The following ERICH6B variants were observed in gnomAD, a reference collection of about 807,000 sequenced individuals.
ERICH6B encodes the protein glutamate rich 6B.
ERICH6B carries 69 observed loss-of-function variants against 80.0 expected under a neutral mutation model. That is an observed-to-expected ratio of 0.86 (90% CI 0.71 to 1.05). The LOEUF is 1.05. ERICH6B is among the 50% of genes least tolerant of loss of function. ERICH6B has a pLI of 0.00. For synonymous variants in ERICH6B, 283 were observed against 291.9 expected, an observed-to-expected ratio of 0.97 and a Z score of 0.31; for missense variants, 754 against 796.1, an observed-to-expected ratio of 0.95 and a Z score of 0.64.
At chr13:45,575,606 C>A (rs562363898) in intron 7 of ERICH6B, among the ~76,000 whole-genome samples, 2 of 152,122 alleles carry the variant, frequency 1.3e-5, no homozygotes, top group African/African-American at 2.4e-5. Context: ...CCAGGCTTGT[C>A]AAAATTTGCC....
chr13:45,591,199 G>A (rs1385786871), intron 3 of ERICH6B, among the ~76,000 whole-genome samples: 1 of 152,152 alleles, frequency 6.6e-6, no homozygotes, highest in Non-Finnish European at 1.5e-5. Context: ...GTAGAGAAAC[G>A]AGAACCAGAA....
intron 11 of ERICH6B, among the ~76,000 whole-genome samples, chr13:45,555,927 C>T (rs774607199): frequency 4.7e-5 from 7 of 149,226 alleles, no homozygotes; most frequent in Non-Finnish European, 7.4e-5. Flanking sequence ...TATGGGTGTC[C>T]GTGAGGCAAA....
At chr13:45,544,329 C>T (rs138580976) in intron 14 of ERICH6B, among the ~76,000 whole-genome samples, 238 of 152,290 alleles carry the variant, frequency 1.6e-3, no homozygotes, top group African/African-American at 5.6e-3. Flanking sequence ...CCTGCTTCGG[C>T]CCCTCAAAGT....
chr13:45,544,222 G>T (rs1410087640), intron 14 of ERICH6B, among the ~76,000 whole-genome samples: 1 of 152,156 alleles, frequency 6.6e-6, no homozygotes, highest in East Asian at 1.9e-4. Flanking sequence ...AAAGGCGTGA[G>T]CCACTGGGAT....
At chr13:45,567,303 G>A (rs543382847) in intron 9 of ERICH6B, among the ~76,000 whole-genome samples, 1 of 152,314 alleles carries the variant, frequency 6.6e-6, no homozygotes, top group Non-Finnish European at 1.5e-5. Flanking sequence ...AGACTTTGGG[G>A]GACTGTTGGG....
intron 1 of ERICH6B, among the ~76,000 whole-genome samples, chr13:45,612,660 C>T (rs1228618661): frequency 6.6e-6 from 1 of 152,174 alleles, no homozygotes; most frequent in African/African-American, 2.4e-5. Context: ...TCCTACCTGC[C>T]TAGCCAGCAG....
chr13:45,548,755 GC>G (rs1345876604), intron 13 of ERICH6B, among the ~76,000 whole-genome samples: 15 of 152,120 alleles, frequency 9.9e-5, no homozygotes, highest in African/African-American at 3.1e-4. Flanking sequence ...ACTCCTTTGT[GC>G]TTTCTGTACC....
chr13:45,553,368 A>C (rs1874303825), intron 11 of ERICH6B, among the ~76,000 whole-genome samples: 1 of 152,166 alleles, frequency 6.6e-6, no homozygotes, highest in African/African-American at 2.4e-5. Flanking sequence ...GATGGGCTCA[A>C]ATTATTATTG....
At chr13:45,609,188 C>T (rs1949885726) in intron 1 of ERICH6B, among the ~76,000 whole-genome samples, 1 of 152,214 alleles carries the variant, frequency 6.6e-6, no homozygotes, top group Non-Finnish European at 1.5e-5. Context: ...TTGCTCCCAG[C>T]CATCCTCCAG....
chr13:45,580,548 C>G, intron 6 of ERICH6B, 55 bp downstream of exon 6: 1 of 1,531,612 alleles, frequency 6.5e-7, no homozygotes, highest in Non-Finnish European at 8.9e-7. Context: ...TTCTTACCTT[C>G]TCTGGGATGG....
In ERICH6B at chr13:45,568,366, A is replaced by T; in HGVS notation, c.1136T>A (p.Ile379Asn). 1.9e-6 allele frequency: 3 copies of T among 1,549,210 alleles called. No homozygotes were observed. Among genetic ancestry groups the T allele is most frequent in the Non-Finnish European group, 2.6e-6 (3 of 1,146,110 alleles). Residue 379 changes from isoleucine to asparagine, a missense_variant, in exon 9 of 15, where the codon ATT (isoleucine) becomes AAT (asparagine). Ile to Asn is a moderately radical substitution (Grantham distance 149, BLOSUM62 -3). Coordinates refer to ENST00000298738, the MANE Select transcript of ERICH6B (RefSeq NM_182542.3). ...AHNELEEDFD[I>N]PLTKLLESEN... The stretch of plus-strand genomic sequence containing the variant: ...ACTTTCCAGTAGCTTAGTTAGGGGA[A>T]TGTCAAAATCCTCTTCCAGTTCATT...
At chr13:45,564,842 G>C (rs1169229028) in intron 9 of ERICH6B, among the ~76,000 whole-genome samples, 1 of 152,220 alleles carries the variant, frequency 6.6e-6, no homozygotes, top group South Asian at 2.1e-4. Context: ...ACTCCAGTGA[G>C]GGGATCTAGC....
chr13:45,609,827 G>T (rs1217144774), intron 1 of ERICH6B, among the ~76,000 whole-genome samples: 2 of 152,170 alleles, frequency 1.3e-5, no homozygotes, highest in Non-Finnish European at 2.9e-5. Flanking sequence ...AGGCAATTTT[G>T]CCATTGTGTT....
At chr13:45,570,947 A>G (rs7990155) in intron 8 of ERICH6B, among the ~76,000 whole-genome samples, 30,270 of 146,690 alleles carry the variant, frequency 0.21, 7,914 homozygotes, top group African/African-American at 0.61. Context: ...TGCAGGTTCC[A>G]TGTGGCATTC....
At chr13:45,545,091 G>T in intron 13 of ERICH6B, 106 bp from the exon 14 acceptor site, 1 of 944,320 alleles carries the variant, frequency 1.1e-6, no homozygotes, top group Non-Finnish European at 1.6e-6. Context: ...CAGAAAGACT[G>T]ACAGGGACTT....
In ERICH6B at chr13:45,587,053, C is replaced by T. The variant is rs1236968876; in HGVS notation, c.856+10G>A. 4 of 1,550,426 alleles carry T rather than the reference C, an allele frequency of 2.6e-6. No homozygotes were observed. The highest frequency in any genetic ancestry group is 3.5e-6 in the Non-Finnish European group (4 of 1,146,262). ...GCTGCGCCTCACCGACAGAGCGCAG[C>T]TTCCCTCACCGGCAGTTCTGTCGTA... is the stretch of plus-strand genomic sequence containing the variant. On this transcript the variant is annotated intron_variant, in intron 5 of 14. Transcript: ENST00000298738.
chr13:45,588,156 G>A (rs1021044096), intron 4 of ERICH6B, among the ~76,000 whole-genome samples: 2 of 152,226 alleles, frequency 1.3e-5, no homozygotes, highest in Non-Finnish European at 2.9e-5. Context: ...ATGGGGTAAG[G>A]GCTGGAGTCT....
At chr13:45,549,399 A>G (rs1874121174) in intron 13 of ERICH6B, among the ~76,000 whole-genome samples, 1 of 152,212 alleles carries the variant, frequency 6.6e-6, no homozygotes, top group Non-Finnish European at 1.5e-5. Context: ...AACATTTTGA[A>G]GTGACTGAGT....
At chr13:45,598,164 CA>C (rs1477296031) in intron 2 of ERICH6B, among the ~76,000 whole-genome samples, 1 of 152,156 alleles carries the variant, frequency 6.6e-6, no homozygotes, top group Non-Finnish European at 1.5e-5. Flanking sequence ...CAGCACTTAT[CA>C]TTGTGTCTAC....
Sources: gnomAD v4.1 joint callset for allele counts (sites outside exome capture counted in the v4.1 genomes callset) on GRCh38, gnomAD v4.1.1 for gene constraint, MANE v1.5 for transcripts, NCBI Gene and HGNC (gene_info 2026-07-23, HGNC 2026-07-21) for gene names.